The following MAML3 variants were observed in gnomAD, a reference collection of about 807,000 sequenced individuals.
The protein encoded by MAML3 is mastermind like transcriptional coactivator 3.
In MAML3, 27 loss-of-function variants were observed where a neutral mutation model predicts 101.9. The ratio of observed to expected loss-of-function variants is 0.27; its 90% CI spans 0.20 to 0.37. The LOEUF (loss-of-function observed/expected upper bound fraction) is 0.37, where lower values mean the gene tolerates loss of function less well. Among genes scored for constraint, MAML3 ranks in the 10% least tolerant of loss-of-function variants. The pLI is 1.00. For missense variants in MAML3, 1,316 were observed against 1,444.9 expected (o/e 0.91, Z 1.45); for synonymous variants, 501 against 555.9 (o/e 0.90, Z 1.39).
At chr4:139,943,449 G>C (rs149638748) in intron 1 of MAML3, among the ~76,000 whole-genome samples, 11 of 152,196 alleles carry the variant, frequency 7.2e-5, no homozygotes, top group Non-Finnish European at 7.4e-5. Flanking sequence ...AGAATAAGAA[G>C]CCCATGTAAT....
rs184375468 is a variant in MAML3, at chr4:139,759,776, G to A, written c.2080-29109C>T. On this transcript the variant is annotated intron_variant, in intron 2 of 4. Coordinates refer to ENST00000509479, the MANE Select transcript of MAML3 (RefSeq NM_018717.5). Reference sequence around the variant, plus strand: ...TGGTTATGGAAACACTGTTAATATCGAGAATGAATAAATAATGGAATACTG... The same window carrying A: ...TGGTTATGGAAACACTGTTAATATCAAGAATGAATAAATAATGGAATACTG... 7.9e-5 allele frequency among the ~76,000 whole-genome samples: 12 copies of A among 152,170 alleles called. No individual in the cohort carries two copies. The East Asian group carries it at 1.2e-3, about 15-fold the overall frequency.
chr4:139,902,991 C>G (rs1732756743), intron 1 of MAML3, among the ~76,000 whole-genome samples: 1 of 152,126 alleles, frequency 6.6e-6, no homozygotes, highest in Admixed American at 6.5e-5. Flanking sequence ...TCCTGAAAGT[C>G]CAATGAGCAG....
rs70943444 is a variant in MAML3 at position 139,832,094 on chromosome 4, C to CTTTTTTTTTTTT, written c.2079+57251_2079+57262dup. On this transcript the variant is annotated intron_variant, in intron 2 of 4. Coordinates refer to ENST00000509479, the MANE Select transcript of MAML3 (RefSeq NM_018717.5). The stretch of plus-strand genomic sequence containing the variant: ...AGGCGTGAGCCATCATGCCCAGCCC[C>CTTTTTTTTTTTT]TTTTTTTTTTTTTTTTTTTTTTTTT... Among the ~76,000 whole-genome samples the CTTTTTTTTTTTT allele has an allele frequency of 6.1e-3, 397 of 64,688 alleles. 47 individuals carry two copies. The highest frequency in any genetic ancestry group is 9.6e-3 in the Non-Finnish European group (286 of 29,906). 42.4% of individuals were successfully genotyped at this position (64,688 alleles called of 152,430 possible). A position where few individuals can be genotyped will look rare whatever the true frequency, so the allele number is the denominator to read the frequency against.
At chr4:140,018,751 G>A (rs1441554157) in intron 1 of MAML3, among the ~76,000 whole-genome samples, 1 of 152,142 alleles carries the variant, frequency 6.6e-6, no homozygotes, top group East Asian at 1.9e-4. Flanking sequence ...AATGGGCTTA[G>A]TTTAATGTTT....
intron 1 of MAML3, among the ~76,000 whole-genome samples, chr4:140,151,865 A>T (rs779160496): frequency 4.0e-5 from 6 of 151,712 alleles, no homozygotes; most frequent in Non-Finnish European, 8.8e-5. Flanking sequence ...CCTACCTCGA[A>T]CCCGCCCACC....
At position 140,047,917 on chromosome 4, in the gene MAML3, A is replaced by C. The variant is rs182844473; in HGVS notation, c.468+104943T>G. On this transcript the variant is annotated intron_variant, in intron 1 of 4. Coordinates refer to ENST00000509479, the MANE Select transcript of MAML3 (RefSeq NM_018717.5). ...GGCCATCTTTAACTTCGTGATACTA[A>C]GAAAAAGATAGGCTCTTCAGACAAG... is the stretch of plus-strand genomic sequence containing the variant. 1.2e-4 allele frequency among the ~76,000 whole-genome samples: 19 copies of C among 152,276 alleles called. 1 individual carries two copies. Among genetic ancestry groups the C allele is most frequent in the East Asian group, 7.7e-4 (4 of 5,174 alleles).
chr4:140,011,338 T>TTTG (rs1446797033), intron 1 of MAML3, among the ~76,000 whole-genome samples: 1 of 38,932 alleles, frequency 2.6e-5, no homozygotes, highest in African/African-American at 4.6e-5. Flanking sequence ...GGTTTTCTTG[T>TTTG]TTTGTTTTTT....
At chr4:139,848,293 C>T (rs1402117162) in intron 2 of MAML3, among the ~76,000 whole-genome samples, 1 of 152,194 alleles carries the variant, frequency 6.6e-6, no homozygotes, top group African/African-American at 2.4e-5. Flanking sequence ...CTCACCAGGG[C>T]ACCGTTAAAG....
chr4:140,091,198 T>G (rs1281556261), intron 1 of MAML3, among the ~76,000 whole-genome samples: 1 of 152,136 alleles, frequency 6.6e-6, no homozygotes, highest in Non-Finnish European at 1.5e-5. Context: ...CTACATACAC[T>G]ATTTTACACA....
chr4:140,136,455 G>T (rs913255502), intron 1 of MAML3, among the ~76,000 whole-genome samples: 5 of 152,128 alleles, frequency 3.3e-5, no homozygotes, highest in African/African-American at 1.2e-4. Flanking sequence ...AGAAATAATG[G>T]CGATACTGGA....
intron 1 of MAML3, among the ~76,000 whole-genome samples, chr4:140,067,268 T>C (rs1727555442): frequency 6.6e-6 from 1 of 151,542 alleles, no homozygotes; most frequent in South Asian, 2.1e-4. Flanking sequence ...AGAAGAGACA[T>C]AGAAAAACAT....
At chr4:139,813,929 A>G (rs976062268) in intron 2 of MAML3, among the ~76,000 whole-genome samples, 2 of 152,188 alleles carry the variant, frequency 1.3e-5, no homozygotes, top group Non-Finnish European at 2.9e-5. Flanking sequence ...GAGCAAGGAA[A>G]TAAGGAAACA....
chr4:139,836,035 A>G (rs1731250983), intron 2 of MAML3, among the ~76,000 whole-genome samples: 1 of 152,190 alleles, frequency 6.6e-6, no homozygotes, highest in Non-Finnish European at 1.5e-5. Context: ...GAGACAGCGG[A>G]TGACACAGAA....
At position 139,793,002 on chromosome 4, in the gene MAML3, T is replaced by C. The variant is rs1179584773; in HGVS notation, c.2080-62335A>G. On this transcript the variant is annotated intron_variant, in intron 2 of 4. Coordinates refer to ENST00000509479, the MANE Select transcript of MAML3 (RefSeq NM_018717.5). ...ACCTTGTGATCCGCCCGCCTCGGCC[T>C]CCCAAAGTGCTGGGATTACAGGCGT... Among the ~76,000 whole-genome samples the C allele has an allele frequency of 2.4e-4, 37 of 152,100 alleles. 1 individual carries two copies. Among genetic ancestry groups the C allele is most frequent in the Admixed American group, 2.4e-3 (37 of 15,276 alleles).
chr4:139,937,960 T>C (rs1350151703), intron 1 of MAML3, among the ~76,000 whole-genome samples: 1 of 152,196 alleles, frequency 6.6e-6, no homozygotes, highest in Non-Finnish European at 1.5e-5. Context: ...TGTCCCTTGC[T>C]GTATTCTGAG....
At chr4:140,057,019 A>C (rs1406984990) in intron 1 of MAML3, among the ~76,000 whole-genome samples, 1 of 152,206 alleles carries the variant, frequency 6.6e-6, no homozygotes, top group Non-Finnish European at 1.5e-5. Context: ...AAGCTTAGTA[A>C]CTTGCCCAAA....
chr4:140,061,115 G>T (rs1489127030), intron 1 of MAML3, among the ~76,000 whole-genome samples: 1 of 152,176 alleles, frequency 6.6e-6, no homozygotes, highest in African/African-American at 2.4e-5. Context: ...GAATTGGATT[G>T]TCAAAGCTCT....
chr4:140,132,515 AG>A (rs1728812305), intron 1 of MAML3, among the ~76,000 whole-genome samples: 1 of 152,174 alleles, frequency 6.6e-6, no homozygotes, highest in Non-Finnish European at 1.5e-5. Flanking sequence ...TATTAGAAAA[AG>A]GTTAAATATG....
chr4:139,890,520 C>T lies in MAML3; in HGVS notation c.916G>A (p.Asp306Asn). 6.2e-7 allele frequency: 1 copy of T among 1,614,000 alleles called. No individual in the cohort carries two copies. Among genetic ancestry groups the T allele is most frequent in the Non-Finnish European group, 8.5e-7 (1 of 1,179,888 alleles). The change falls in exon 2 of 5, where the codon GAT becomes AAT. Residue 306 changes from aspartate to asparagine, a missense_variant. By Grantham distance (23) the Asp-to-Asn change is conservative. Transcript: ENST00000509479. This position sits in a 1 kb window ranked among gnomAD's most constrained non-coding sequence, Gnocchi z 4.1. ...NKLFSDINLN[D>N]QEWQELIDEL... Reference sequence around the variant, plus strand: ...TCTATTAATTCTTGCCACTCCTGATCATTCAGATTAATGTCTGAGAACAGC... The same window carrying T: ...TCTATTAATTCTTGCCACTCCTGATTATTCAGATTAATGTCTGAGAACAGC...
Sources: allele counts gnomAD v4.1 joint callset (sites outside exome capture counted in the v4.1 genomes callset), GRCh38; gene constraint gnomAD v4.1.1; non-coding constraint Gnocchi (gnomAD v3.1); transcripts MANE v1.5; gene names NCBI Gene and HGNC (gene_info 2026-07-23, HGNC 2026-07-21).